The following BMPR2 variants were observed in gnomAD, a reference collection of about 807,000 sequenced individuals.
The protein encoded by BMPR2 is bone morphogenetic protein receptor type-2.
A neutral mutation model predicts 100.8 loss-of-function variants in BMPR2; 29 were observed. That is an observed-to-expected ratio of 0.29 (90% CI 0.21 to 0.39). BMPR2 has a LOEUF of 0.39. Ranked by LOEUF, BMPR2 falls within the 10% of genes least tolerant of loss-of-function variation. The pLI is 1.00. For synonymous variants in BMPR2, 382 were observed against 442.3 expected (o/e 0.86, Z 1.71); for missense variants, 1,011 against 1,274.5 (o/e 0.79, Z 3.15).
chr2:202,493,310 A>T (rs57705821), intron 3 of BMPR2, among the ~76,000 whole-genome samples: 113 of 151,990 alleles, frequency 7.4e-4, no homozygotes, highest in Middle Eastern at 3.4e-3. Context: ...CTTTTTTTTT[A>T]AAGTTGTATA....
chr2:202,556,571 T>G, intron 12 of BMPR2, 40 bp downstream of exon 12: 1 of 1,596,478 alleles, frequency 6.3e-7, no homozygotes, highest in South Asian at 1.1e-5. Context: ...GTGTGTCTTT[T>G]GGGGCCATTT....
intron 9 of BMPR2, among the ~76,000 whole-genome samples, chr2:202,540,400 GA>G (rs894105666): frequency 1.4e-4 from 21 of 152,070 alleles, no homozygotes; most frequent in African/African-American, 5.1e-4. Flanking sequence ...TAACTGCCAT[GA>G]TTATTAAATC....
At chr2:202,473,863 T>C (rs927665280) in intron 3 of BMPR2, among the ~76,000 whole-genome samples, 12 of 151,762 alleles carry the variant, frequency 7.9e-5, no homozygotes, top group African/African-American at 2.7e-4. Context: ...TCCCAGCACG[T>C]TGGGAGGCCG....
chr2:202,379,415 C>T (rs1158231435), intron 1 of BMPR2, among the ~76,000 whole-genome samples: 1 of 152,214 alleles, frequency 6.6e-6, no homozygotes, highest in Non-Finnish European at 1.5e-5. Flanking sequence ...TCACATACCA[C>T]ATTAATGGTA....
At position 202,445,339 on chromosome 2, in the gene BMPR2, G is replaced by A. The variant is rs569942551; in HGVS notation, c.77-19470G>A. ...CCTCCCAGTCTCAAGCCATCCTCCT[G>A]TCTCAGCTTCCCAAGTACCTGAGAC... On this transcript the variant is annotated intron_variant, in intron 1 of 12. Coordinates refer to ENST00000374580, the MANE Select transcript of BMPR2 (RefSeq NM_001204.7). Among the ~76,000 whole-genome samples the A allele has an allele frequency of 1.1e-4, 16 of 150,018 alleles. No individual in the cohort carries two copies. The South Asian group carries it at 3.3e-3, about 31-fold the overall frequency.
chr2:202,474,547 G>A (rs1291622439), intron 3 of BMPR2, among the ~76,000 whole-genome samples: 3 of 152,122 alleles, frequency 2.0e-5, no homozygotes, highest in Non-Finnish European at 4.4e-5. Context: ...TTGAGGCGGA[G>A]TCTCGCTCTG....
chr2:202,422,105 C>T (rs1303142096), intron 1 of BMPR2, among the ~76,000 whole-genome samples: 11 of 152,078 alleles, frequency 7.2e-5, no homozygotes, highest in Non-Finnish European at 1.5e-4. Flanking sequence ...GACAGGGTTT[C>T]ACCGTGTTGG....
In BMPR2 at chr2:202,562,091, G is replaced by T. The variant is rs1688686235; in HGVS notation, c.*2145G>T. 6.6e-6 allele frequency: 1 copy of T among 151,890 alleles called. No homozygotes were observed. The highest frequency in any genetic ancestry group is 1.5e-5 in the Non-Finnish European group (1 of 67,934). The allele number at this position is 151,890 out of a possible 1,614,324, so 9.4% of individuals were successfully genotyped here. A position where few individuals can be genotyped will look rare whatever the true frequency, so the allele number is the denominator to read the frequency against. ...TAAATATCTTTCACATGCATTTTAG[G>T]ATATTCTTTTCAAATATTTGTAGGA... On this transcript the variant is annotated 3_prime_UTR_variant, in exon 13 of 13. Transcript: ENST00000374580.
intron 1 of BMPR2, among the ~76,000 whole-genome samples, chr2:202,386,658 A>C (rs1690433208): frequency 6.6e-6 from 1 of 151,108 alleles, no homozygotes; most frequent in Non-Finnish European, 1.5e-5. Flanking sequence ...CTTTCAACAT[A>C]GTAGCCTGAG....
chr2:202,403,177 TTCCCCTCCCC>T lies in BMPR2; in HGVS notation c.76+25651_76+25660del, dbSNP rs532457281. 2.3e-3 allele frequency among the ~76,000 whole-genome samples: 260 copies of T among 111,118 alleles called. 2 individuals are homozygous for T. Among genetic ancestry groups the T allele is most frequent in the African/African-American group, 8.3e-3 (244 of 29,544 alleles). The allele number at this position is 111,118 out of a possible 152,430, so 72.9% of individuals were successfully genotyped here. On this transcript the variant is annotated intron_variant, in intron 1 of 12. Transcript: ENST00000374580. ...GTAGAGATGAACCCTCTCCCTCCCCTTCCCCTCCCCTCCCCTCCCCTCCCCTCCCCTCCTC... is the reference window on the plus strand; with the variant it reads ...GTAGAGATGAACCCTCTCCCTCCCCTTCCCCTCCCCTCCCCTCCCCTCCTC...
chr2:202,529,064 C>T (rs760661625), intron 7 of BMPR2, among the ~76,000 whole-genome samples: 2 of 151,998 alleles, frequency 1.3e-5, no homozygotes. Context: ...ATAATAGCAA[C>T]GCATGCTTAT....
intron 1 of BMPR2, among the ~76,000 whole-genome samples, chr2:202,441,186 G>T (rs1022281636): frequency 6.7e-6 from 1 of 149,686 alleles, no homozygotes; most frequent in African/African-American, 2.5e-5. Context: ...TCACTGTGTT[G>T]CCCAGGGTGG....
chr2:202,558,044 C>CA (rs1174319505), intron 12 of BMPR2, among the ~76,000 whole-genome samples: 1 of 152,072 alleles, frequency 6.6e-6, no homozygotes, highest in Admixed American at 6.5e-5. Flanking sequence ...GTAGGCTAGG[C>CA]ACGGTGGCTC....
Position 202,532,402 on chromosome 2 carries a change from A to G in BMPR2, c.1129-183A>G, listed in dbSNP as rs902341611. On this transcript the variant is annotated intron_variant, in intron 8 of 12. Coordinates refer to ENST00000374580, the MANE Select transcript of BMPR2 (RefSeq NM_001204.7). This position sits in a 1 kb window ranked among gnomAD's most constrained non-coding sequence, Gnocchi z 4.1. ...TAGTATTCACTAAAATGGATTTACC[A>G]CAGTTTACTTATTCAGGAAGGGCAT... 6.6e-6 allele frequency among the ~76,000 whole-genome samples: 1 copy of G among 152,190 alleles called. No homozygotes were observed. The highest frequency in any genetic ancestry group is 1.9e-4 in the East Asian group (1 of 5,198).
intron 5 of BMPR2, among the ~76,000 whole-genome samples, chr2:202,516,991 G>T (rs1166954644): frequency 4.6e-5 from 7 of 152,090 alleles, no homozygotes; most frequent in Admixed American, 4.6e-4. Context: ...GTTACATTTT[G>T]CTGGTTCTTT....
chr2:202,397,117 G>C (rs1690671028), intron 1 of BMPR2, among the ~76,000 whole-genome samples: 1 of 151,970 alleles, frequency 6.6e-6, no homozygotes, highest in Non-Finnish European at 1.5e-5. Context: ...ACTTTTTATT[G>C]ATATCTTGAA....
At chr2:202,482,270 C>T (rs970090675) in intron 3 of BMPR2, among the ~76,000 whole-genome samples, 1 of 152,124 alleles carries the variant, frequency 6.6e-6, no homozygotes, top group African/African-American at 2.4e-5. Flanking sequence ...ATGAATAAAG[C>T]TCCAATGAAT....
At chr2:202,444,072 C>CCT (rs1691802099) in intron 1 of BMPR2, among the ~76,000 whole-genome samples, 2 of 150,546 alleles carry the variant, frequency 1.3e-5, no homozygotes. Context: ...CCAAATATCC[C>CCT]CTGGGGCGTA....
intron 12 of BMPR2, among the ~76,000 whole-genome samples, chr2:202,558,138 GC>G (rs1388229659): frequency 6.6e-6 from 1 of 152,104 alleles, no homozygotes; most frequent in African/African-American, 2.4e-5. Flanking sequence ...GGGCAACATA[GC>G]AAAACTCCAT....
Sources: gnomAD v4.1 joint callset for allele counts (sites outside exome capture counted in the v4.1 genomes callset) on GRCh38, gnomAD v4.1.1 for gene constraint, Gnocchi (gnomAD v3.1) non-coding constraint, MANE v1.5 for transcripts, NCBI Gene and HGNC (gene_info 2026-07-23, HGNC 2026-07-21) for gene names.